Variants in MERTK observed in about 807,000 individuals in gnomAD.
The protein encoded by MERTK is MER proto-oncogene, tyrosine kinase.
A neutral mutation model predicts 99.3 loss-of-function variants in MERTK; 69 were observed. The ratio of observed to expected loss-of-function variants is 0.70; its 90% CI spans 0.57 to 0.85. MERTK has a LOEUF of 0.85. MERTK is among the 40% of genes least tolerant of loss of function. The probability of loss-of-function intolerance (pLI) is 0.00; values close to 1 mark genes in which losing one functional copy is unlikely to be tolerated. For missense variants in MERTK, 1,125 were observed against 1,249.4 expected, an observed-to-expected ratio of 0.90 and a Z score of 1.50; for synonymous variants, 426 against 467.6, an observed-to-expected ratio of 0.91 and a Z score of 1.15.
chr2:111,928,721 G>A (rs1281811324), intron 1 of MERTK, among the ~76,000 whole-genome samples: 1 of 152,122 alleles, frequency 6.6e-6, no homozygotes, highest in Non-Finnish European at 1.5e-5. Context: ...CCTGACCTCA[G>A]GTGATCCTCC....
chr2:111,926,148 A>G (rs1040690050), intron 1 of MERTK, among the ~76,000 whole-genome samples: 3 of 152,238 alleles, frequency 2.0e-5, no homozygotes, highest in African/African-American at 7.2e-5. Flanking sequence ...TTCATTTTAT[A>G]TTGTATATGC....
intron 18 of MERTK, among the ~76,000 whole-genome samples, chr2:112,027,434 C>A (rs1677489971): frequency 6.6e-6 from 1 of 151,972 alleles, no homozygotes; most frequent in South Asian, 2.1e-4. Flanking sequence ...TGGTATAACT[C>A]ACTCTTCATC....
At chr2:111,960,741 G>A (rs886168036) in intron 4 of MERTK, among the ~76,000 whole-genome samples, 5 of 151,896 alleles carry the variant, frequency 3.3e-5, no homozygotes, top group African/African-American at 7.3e-5. Context: ...CTTGGGGCTG[G>A]TAGAAGAGTC....
chr2:112,020,159 A>G (rs1677307933), intron 16 of MERTK, among the ~76,000 whole-genome samples: 1 of 152,344 alleles, frequency 6.6e-6, no homozygotes, highest in East Asian at 1.9e-4. Context: ...AGATGTGACA[A>G]TGGGGCCTGC....
At chr2:112,014,695 G>A (rs1304794063) in intron 15 of MERTK, among the ~76,000 whole-genome samples, 2 of 151,938 alleles carry the variant, frequency 1.3e-5, no homozygotes, top group Non-Finnish European at 2.9e-5. Flanking sequence ...GAGTGCAGGG[G>A]CACAATCTTG....
chr2:111,970,568 T>C (rs1676085804), intron 6 of MERTK, among the ~76,000 whole-genome samples: 1 of 152,246 alleles, frequency 6.6e-6, no homozygotes, highest in Non-Finnish European at 1.5e-5. Flanking sequence ...ATTGTGTCTA[T>C]ATTCATAAGA....
chr2:111,953,251 T>C (rs4848901), intron 4 of MERTK, among the ~76,000 whole-genome samples: 79,665 of 152,080 alleles, frequency 0.52, 21,040 homozygotes, highest in Middle Eastern at 0.56. Context: ...TTTAGAGTAG[T>C]GACAAATGTG....
At chr2:112,000,418 T>TC (rs1343605612) in intron 10 of MERTK, among the ~76,000 whole-genome samples, 4 of 152,206 alleles carry the variant, frequency 2.6e-5, no homozygotes, top group South Asian at 2.1e-4. Flanking sequence ...CTCCTTAGGC[T>TC]CCTCTTGGCT....
intron 8 of MERTK, among the ~76,000 whole-genome samples, chr2:111,986,472 C>T (rs1456968749): frequency 2.0e-5 from 3 of 152,172 alleles, no homozygotes; most frequent in Non-Finnish European, 4.4e-5. Context: ...AAAAACAAGC[C>T]AGTTTGTTTA....
chr2:111,982,779 G>C, intron 7 of MERTK, 63 bp from the exon 8 acceptor site: 1 of 1,583,274 alleles, frequency 6.3e-7, no homozygotes, highest in Non-Finnish European at 8.7e-7. Flanking sequence ...TGAAAACCCA[G>C]ATGAGAATAC....
intron 4 of MERTK, among the ~76,000 whole-genome samples, chr2:111,956,605 A>G (rs529480957): frequency 1.3e-5 from 2 of 152,308 alleles, no homozygotes; most frequent in South Asian, 4.1e-4. Context: ...TGCCCACAGT[A>G]CTTTCTGTAA....
chr2:111,984,515 G>A (rs915460073), intron 8 of MERTK, among the ~76,000 whole-genome samples: 36 of 152,182 alleles, frequency 2.4e-4, no homozygotes, highest in African/African-American at 8.4e-4. Context: ...CTCACTTGAA[G>A]GTCTGGAACA....
chr2:112,028,448 C>T lies in MERTK; in HGVS notation c.2584C>T (p.Pro862Ser), dbSNP rs143190615. 181 of 1,614,110 alleles carry T rather than the reference C, an allele frequency of 1.1e-4. No individual in the cohort carries two copies. The African/African-American group carries it at 2.2e-3, about 20-fold the overall frequency. ...GCTAGAAAAACTCTTAGAAAGTTTG[C>T]CTGACGTTCGGAACCAAGCAGACGT... ...LQLEKLLESL[P>S]DVRNQADVIY... The change falls in exon 19 of 19, where the codon CCT becomes TCT. Residue 862 changes from proline (P) to serine (S), a missense_variant. Transcript: ENST00000295408.
chr2:111,926,945 C>CTG (rs1684579335), intron 1 of MERTK, among the ~76,000 whole-genome samples: 1 of 152,220 alleles, frequency 6.6e-6, no homozygotes, highest in South Asian at 2.1e-4. Flanking sequence ...GCAATGGTCC[C>CTG]TGTCTGTTGT....
At chr2:111,910,142 A>G (rs1282956603) in intron 1 of MERTK, among the ~76,000 whole-genome samples, 2 of 152,124 alleles carry the variant, frequency 1.3e-5, no homozygotes, top group Non-Finnish European at 2.9e-5. Context: ...GTGCATGCCT[A>G]TGGTCATAGC....
chr2:111,931,910 ACTT>A (rs1215345523), intron 2 of MERTK, among the ~76,000 whole-genome samples: 1 of 152,124 alleles, frequency 6.6e-6, no homozygotes, highest in East Asian at 1.9e-4. Context: ...TGCCAGCTCT[ACTT>A]CTGCTCTCAG....
chr2:111,961,594 T>C (rs1365684050), intron 4 of MERTK, among the ~76,000 whole-genome samples: 1 of 152,168 alleles, frequency 6.6e-6, no homozygotes, highest in Non-Finnish European at 1.5e-5. Flanking sequence ...CCATGTTATT[T>C]TTGAAGAAAT....
chr2:111,953,404 TGACAG>T, intron 4 of MERTK, among the ~76,000 whole-genome samples: 1 of 152,228 alleles, frequency 6.6e-6, no homozygotes, highest in Non-Finnish European at 1.5e-5. Context: ...TTTTTCTTAG[TGACAG>T]TATTTATTAA....
intron 1 of MERTK, among the ~76,000 whole-genome samples, chr2:111,928,641 A>G (rs552090956): frequency 6.6e-6 from 1 of 152,230 alleles, no homozygotes; most frequent in African/African-American, 2.4e-5. Context: ...ATGTGCCACC[A>G]TGCCCAGCTA....
Sources: allele counts gnomAD v4.1 joint callset (sites outside exome capture counted in the v4.1 genomes callset), GRCh38; gene constraint gnomAD v4.1.1; transcripts MANE v1.5; gene names NCBI Gene and HGNC (gene_info 2026-07-23, HGNC 2026-07-21).